Variants in SLIT1 observed in about 807,000 individuals in gnomAD.
The protein encoded by SLIT1 is slit homolog 1 protein.
A neutral mutation model predicts 186.1 loss-of-function variants in SLIT1; 66 were observed. The observed-to-expected ratio is 0.35, with a 90% CI of 0.29 to 0.44. The LOEUF (loss-of-function observed/expected upper bound fraction) is 0.44, where lower values mean the gene tolerates loss of function less well. Ranked by LOEUF, SLIT1 falls within the 20% of genes least tolerant of loss-of-function variation. The probability of loss-of-function intolerance (pLI) is 1.00; values close to 1 mark genes in which losing one functional copy is unlikely to be tolerated. For synonymous variants in SLIT1, 761 were observed against 833.8 expected (o/e 0.91, Z 1.50); for missense variants, 1,638 against 2,037.4 (o/e 0.80, Z 3.77).
intron 30 of SLIT1, among the ~76,000 whole-genome samples, chr10:97,012,682 G>C (rs117061708): frequency 6.6e-6 from 1 of 152,200 alleles, no homozygotes; most frequent in Non-Finnish European, 1.5e-5. Flanking sequence ...TACAGCGTCC[G>C]TCTACCATTT....
chr10:96,998,186 A>G lies in SLIT1; in HGVS notation c.*2926T>C, dbSNP rs879527761. ...TGATCCAAACAAGACGACTACAGAA[A>G]CCCCCAACAAAACGTGCCACGACCA... On this transcript the variant is annotated 3_prime_UTR_variant, in exon 37 of 37. Transcript: ENST00000266058. The G allele has an allele frequency of 2.4e-4, 36 of 152,212 alleles. No homozygotes were observed. The highest frequency in any genetic ancestry group is 7.2e-4 in the African/African-American group (30 of 41,440). The allele number at this position is 152,212 out of a possible 1,614,324, so 9.4% of individuals were successfully genotyped here.
Position 97,185,645 on chromosome 10 carries a change from C to A in SLIT1, c.30G>T (p.Ser10=). The change falls in exon 1 of 37, where the codon TCG becomes TCT. Residue 10 remains serine, a synonymous_variant. Transcript: ENST00000266058. MALTPGWGS[S]AGPVRPELWL... ...AGAGCTCCGGCCGGACCGGCCCCGC[C>A]GAGGACCCCCACCCGGGAGTCAGCG... 1 of 1,543,546 alleles carries A rather than the reference C, an allele frequency of 6.5e-7. No homozygotes were observed.
intron 4 of SLIT1, among the ~76,000 whole-genome samples, chr10:97,079,200 C>T (rs73320693): frequency 0.011 from 1,624 of 152,266 alleles, 31 homozygotes; most frequent in African/African-American, 0.037. Flanking sequence ...ATATGTACCA[C>T]TTATATAAAG....
chr10:97,099,988 G>C (rs745558572), intron 4 of SLIT1, among the ~76,000 whole-genome samples: 10 of 152,162 alleles, frequency 6.6e-5, no homozygotes, highest in Admixed American at 6.5e-4. Flanking sequence ...TATATACTTA[G>C]AGTGTGGCCA....
chr10:97,051,261 C>CAAAAAAA (rs5787214), intron 13 of SLIT1, among the ~76,000 whole-genome samples: 1 of 147,868 alleles, frequency 6.8e-6, no homozygotes. Context: ...AATCAAAATG[C>CAAAAAAA]AAAAAAAAAA....
chr10:97,074,796 G>T (rs1410551509), intron 4 of SLIT1, among the ~76,000 whole-genome samples: 1 of 152,222 alleles, frequency 6.6e-6, no homozygotes, highest in Non-Finnish European at 1.5e-5. Flanking sequence ...CCCTGCTCTG[G>T]CTGCCCCTCC....
At chr10:97,122,538 T>C (rs959908200) in intron 4 of SLIT1, among the ~76,000 whole-genome samples, 1 of 152,148 alleles carries the variant, frequency 6.6e-6, no homozygotes, top group Middle Eastern at 3.4e-3. Flanking sequence ...ATGACAGACA[T>C]GGCCTGGATG....
At chr10:97,111,758 G>A (rs556723946) in intron 4 of SLIT1, among the ~76,000 whole-genome samples, 2 of 152,272 alleles carry the variant, frequency 1.3e-5, no homozygotes, top group African/African-American at 2.4e-5. Flanking sequence ...GCGTTCACTC[G>A]TTTCCATGAA....
In SLIT1 at chr10:97,184,036, A is replaced by T. The variant is rs75404281; in HGVS notation, c.197+1442T>A. On this transcript the variant is annotated intron_variant, in intron 1 of 36. Coordinates refer to ENST00000266058, the MANE Select transcript of SLIT1 (RefSeq NM_003061.3). This position sits in a 1 kb window ranked among gnomAD's most constrained non-coding sequence, Gnocchi z 4.4. ...ACATGCACCACACACACACACACAC[A>T]CACACACACACACACACACACACTT... 1.9e-4 allele frequency among the ~76,000 whole-genome samples: 28 copies of T among 147,366 alleles called. No individual in the cohort carries two copies. The highest frequency in any genetic ancestry group is 7.2e-4 in the African/African-American group (27 of 37,460).
intron 31 of SLIT1, among the ~76,000 whole-genome samples, chr10:97,009,746 G>C (rs982783169): frequency 6.6e-6 from 1 of 152,186 alleles, no homozygotes; most frequent in Non-Finnish European, 1.5e-5. Flanking sequence ...TAAGGGACTT[G>C]TCTAGAATAT....
At chr10:97,173,153 T>C (rs949020186) in intron 1 of SLIT1, among the ~76,000 whole-genome samples, 4 of 152,148 alleles carry the variant, frequency 2.6e-5, no homozygotes, top group African/African-American at 9.7e-5. Flanking sequence ...AGTGAGAAGC[T>C]GGGTGATTCC....
intron 4 of SLIT1, among the ~76,000 whole-genome samples, chr10:97,146,740 C>T (rs1186851561): frequency 6.6e-6 from 1 of 152,174 alleles, no homozygotes; most frequent in East Asian, 1.9e-4. Flanking sequence ...CCAGCACAGA[C>T]CCATAGAGCC....
intron 4 of SLIT1, among the ~76,000 whole-genome samples, chr10:97,091,272 G>C (rs1464852667): frequency 1.3e-5 from 2 of 152,186 alleles, no homozygotes; most frequent in South Asian, 2.1e-4. Flanking sequence ...TTCTCCCCTG[G>C]AGAGGGGCTT....
intron 1 of SLIT1, among the ~76,000 whole-genome samples, chr10:97,166,995 T>C (rs1009627046): frequency 6.6e-6 from 1 of 152,180 alleles, no homozygotes; most frequent in Non-Finnish European, 1.5e-5. Context: ...TCCCGCTGTC[T>C]GTCCCGTGGG....
chr10:97,112,038 C>A (rs1401557260), intron 4 of SLIT1, among the ~76,000 whole-genome samples: 1 of 152,226 alleles, frequency 6.6e-6, no homozygotes, highest in African/African-American at 2.4e-5. Flanking sequence ...CGCACCCTGA[C>A]CTGACAGCTC....
intron 4 of SLIT1, among the ~76,000 whole-genome samples, chr10:97,084,671 T>G (rs1416892399): frequency 6.6e-6 from 1 of 151,986 alleles, no homozygotes; most frequent in Non-Finnish European, 1.5e-5. Context: ...AATGGCTCGA[T>G]CTCAACTCAC....
intron 4 of SLIT1, among the ~76,000 whole-genome samples, chr10:97,099,995 G>A (rs770511702): frequency 2.9e-4 from 44 of 152,248 alleles, no homozygotes; most frequent in Admixed American, 7.2e-4. Context: ...TTAGAGTGTG[G>A]CCAGAGAACC....
At chr10:97,158,190 G>GC (rs1849975868) in intron 3 of SLIT1, among the ~76,000 whole-genome samples, 1 of 152,104 alleles carries the variant, frequency 6.6e-6, no homozygotes, top group South Asian at 2.1e-4. Flanking sequence ...ACATTTGCAA[G>GC]CCCTGTGTGG....
At chr10:97,005,642 G>A (rs549616828) in intron 32 of SLIT1, among the ~76,000 whole-genome samples, 5 of 152,256 alleles carry the variant, frequency 3.3e-5, no homozygotes, top group Non-Finnish European at 7.3e-5. Flanking sequence ...AACCAAGGAT[G>A]TGCCCGAGGC....
Sources: allele counts gnomAD v4.1 joint callset (sites outside exome capture counted in the v4.1 genomes callset), GRCh38; gene constraint gnomAD v4.1.1; non-coding constraint Gnocchi (gnomAD v3.1); transcripts MANE v1.5; gene names NCBI Gene and HGNC (gene_info 2026-07-23, HGNC 2026-07-21).